GIN1: variants seen among roughly 807,000 people sequenced by gnomAD.
GIN1 encodes gypsy retrotransposon integrase-like protein 1.
A neutral mutation model predicts 51.4 loss-of-function variants in GIN1; 41 were observed. The observed-to-expected ratio is 0.80, with a 90% CI of 0.62 to 1.04. The LOEUF (loss-of-function observed/expected upper bound fraction) is 1.04, where lower values mean the gene tolerates loss of function less well. Ranked by LOEUF, GIN1 falls within the 50% of genes least tolerant of loss-of-function variation. GIN1 has a pLI of 0.00. For synonymous variants in GIN1, 222 were observed against 206.5 expected, an observed-to-expected ratio of 1.07 and a Z score of -0.64; for missense variants, 610 against 612.4, an observed-to-expected ratio of 1.00 and a Z score of 0.04.
chr5:103,107,481 G>A (rs1787759761), intron 2 of GIN1, among the ~76,000 whole-genome samples: 1 of 152,052 alleles, frequency 6.6e-6, no homozygotes, highest in Admixed American at 6.6e-5. Flanking sequence ...CTGCAGCTAG[G>A]AAGTAACCAG....
At chr5:103,113,561 G>A (rs915289455) in intron 1 of GIN1, among the ~76,000 whole-genome samples, 7 of 140,814 alleles carry the variant, frequency 5.0e-5, no homozygotes, top group Admixed American at 2.3e-4. Flanking sequence ...GCGCTCTGTC[G>A]CCCAGGCTGG....
At position 103,097,720 on chromosome 5, in the gene GIN1, C is replaced by T. The variant is rs782580140; in HGVS notation, c.701G>A (p.Gly234Glu). 3.1e-6 allele frequency: 5 copies of T among 1,590,048 alleles called. No homozygotes were observed. In the South Asian group the frequency reaches 5.5e-5, roughly 18 times the overall value. ...TGTACTTTCCGTTGGGTTAACAGTT[C>T]CAGAGGTGTGAGAAATTACAATTTG... ...IKQIVISHTSGTVNPTESTPN... is the reference protein window; with the variant it reads ...IKQIVISHTSETVNPTESTPN... The change falls in exon 5 of 8, where the codon GGA becomes GAA. Residue 234 changes from glycine (G) to glutamate (E), a missense_variant. Transcript: ENST00000399004.
intron 7 of GIN1, among the ~76,000 whole-genome samples, chr5:103,095,552 T>C (rs572179904): frequency 1.3e-5 from 2 of 152,366 alleles, no homozygotes; most frequent in South Asian, 2.1e-4. Context: ...AACTAGATTC[T>C]GGACAGTATG....
At chr5:103,095,946 T>C (rs550335016) in intron 7 of GIN1, among the ~76,000 whole-genome samples, 27 of 151,894 alleles carry the variant, frequency 1.8e-4, no homozygotes, top group African/African-American at 6.5e-4. Context: ...AAACAAAACA[T>C]TGAGAAAGCA....
At chr5:103,103,648 ATCCTT>A (rs372882457) in intron 4 of GIN1, among the ~76,000 whole-genome samples, 252 of 152,306 alleles carry the variant, frequency 1.7e-3, no homozygotes, top group African/African-American at 5.8e-3. Context: ...TCCCCTGCTT[ATCCTT>A]TCAGGTTAAT....
At chr5:103,106,515 G>A in intron 3 of GIN1, 1 of 394,426 alleles carries the variant, frequency 2.5e-6, no homozygotes, top group Non-Finnish European at 4.5e-6. Context: ...GTATTTTCAA[G>A]TGTTTAAATA....
intron 1 of GIN1, among the ~76,000 whole-genome samples, chr5:103,114,478 T>C (rs1433630838): frequency 6.6e-6 from 1 of 152,190 alleles, no homozygotes; most frequent in East Asian, 1.9e-4. Context: ...AAGATGACAA[T>C]ATTAAGCAGG....
In GIN1 at chr5:103,106,702, T is replaced by G. The variant is rs1411991714; in HGVS notation, c.333+14A>C. On this transcript the variant is annotated intron_variant, in intron 3 of 7. Transcript: ENST00000399004. ...AAGACATTATTCATAATACTCTAAA[T>G]ACATAAGCCATACCCACTGTTTGAC... is the stretch of plus-strand genomic sequence containing the variant. 1 of 1,449,470 alleles carries G rather than the reference T, an allele frequency of 6.9e-7. No homozygotes were observed. The highest frequency in any genetic ancestry group is 9.5e-7 in the Non-Finnish European group (1 of 1,055,026). The allele number at this position is 1,449,470 out of a possible 1,614,324, so 89.8% of individuals were successfully genotyped here.
At chr5:103,113,187 T>TATCAAA (rs1787933970) in intron 1 of GIN1, among the ~76,000 whole-genome samples, 1 of 152,180 alleles carries the variant, frequency 6.6e-6, no homozygotes, top group Non-Finnish European at 1.5e-5. Flanking sequence ...ACACAAATCT[T>TATCAAA]ATCAAAATAT....
chr5:103,103,816 G>T (rs1402547009), intron 4 of GIN1, among the ~76,000 whole-genome samples: 2 of 151,944 alleles, frequency 1.3e-5, no homozygotes, highest in Admixed American at 6.6e-5. Flanking sequence ...TTGAGACAAG[G>T]TCTCACTCTG....
chr5:103,107,480 G>A (rs880001938), intron 2 of GIN1, among the ~76,000 whole-genome samples: 4 of 152,050 alleles, frequency 2.6e-5, no homozygotes, highest in Admixed American at 6.6e-5. Context: ...TCTGCAGCTA[G>A]GAAGTAACCA....
chr5:103,106,894 T>A lies in GIN1; in HGVS notation c.155A>T (p.Tyr52Phe). 1 of 1,562,192 alleles carries A rather than the reference T, an allele frequency of 6.4e-7. No individual in the cohort carries two copies. Among genetic ancestry groups the A allele is most frequent in the Non-Finnish European group, 8.7e-7 (1 of 1,154,406 alleles). The change falls in exon 3 of 8, where the codon TAT becomes TTT. Residue 52 changes from tyrosine (Y) to phenylalanine (F), a missense_variant. Tyr to Phe is a conservative substitution (Grantham distance 22). Coordinates refer to ENST00000399004, the MANE Select transcript of GIN1 (RefSeq NM_017676.2). ...ATTTTGTTTTCTGTCTTTTCCAACA[T>A]AAAACAGCTTTTTTTCTGGAATAAA... Reference protein sequence around the residue: ...KFVFKEKKLFYVGKDRKQNRL... With the variant: ...KFVFKEKKLFFVGKDRKQNRL...
chr5:103,098,785 C>CA (rs1233676372), intron 4 of GIN1, among the ~76,000 whole-genome samples: 1 of 152,096 alleles, frequency 6.6e-6, no homozygotes, highest in Non-Finnish European at 1.5e-5. Context: ...ATTCAGTAGA[C>CA]AGTGTCTCAA....
intron 7 of GIN1, among the ~76,000 whole-genome samples, chr5:103,090,335 A>G (rs1554194398): frequency 6.6e-6 from 1 of 152,232 alleles, no homozygotes; most frequent in East Asian, 1.9e-4. Flanking sequence ...TGTTATACCC[A>G]ATAGCAGCAA....
chr5:103,109,796 C>T (rs1193370957), intron 1 of GIN1, among the ~76,000 whole-genome samples: 1 of 151,970 alleles, frequency 6.6e-6, no homozygotes, highest in Non-Finnish European at 1.5e-5. Context: ...CAGCCTATCA[C>T]AGTTTCTGAA....
chr5:103,097,829 T>A, intron 4 of GIN1, 48 bp from the exon 5 acceptor site: 1 of 768,764 alleles, frequency 1.3e-6, no homozygotes. Flanking sequence ...TTGTGTTTTA[T>A]TTTTCCATTG....
intron 1 of GIN1, among the ~76,000 whole-genome samples, chr5:103,110,119 TAAA>T (rs1374097632): frequency 2.0e-5 from 3 of 151,324 alleles, no homozygotes; most frequent in Non-Finnish European, 3.0e-5. Context: ...ATGTGAAAGA[TAAA>T]TAACAATGAT....
intron 3 of GIN1, among the ~76,000 whole-genome samples, chr5:103,105,727 A>G (rs1554196212): frequency 6.6e-6 from 1 of 152,192 alleles, no homozygotes; most frequent in Non-Finnish European, 1.5e-5. Flanking sequence ...GCTTCTGAAG[A>G]AAAATTTAAA....
intron 7 of GIN1, among the ~76,000 whole-genome samples, chr5:103,092,256 C>T (rs902614665): frequency 2.6e-5 from 4 of 152,006 alleles, no homozygotes; most frequent in African/African-American, 7.2e-5. Flanking sequence ...AATCCTACCT[C>T]GGCCTCTCAA....
Sources: gnomAD v4.1 joint callset for allele counts (sites outside exome capture counted in the v4.1 genomes callset) on GRCh38, gnomAD v4.1.1 for gene constraint, MANE v1.5 for transcripts, NCBI Gene and HGNC (gene_info 2026-07-23, HGNC 2026-07-21) for gene names.